ANK3: variants seen among roughly 807,000 people sequenced by gnomAD.
The protein encoded by ANK3 is ankyrin 3, also known as ankyrin-3.
A neutral mutation model predicts 370.9 loss-of-function variants in ANK3; 57 were observed. The ratio of observed to expected loss-of-function variants is 0.15; its 90% CI spans 0.12 to 0.19. ANK3 has a LOEUF of 0.19. ANK3 is among the 10% of genes least tolerant of loss of function. The pLI is 1.00. For synonymous variants in ANK3, 1,929 were observed against 1,946.3 expected, an observed-to-expected ratio of 0.99 and a Z score of 0.23; for missense variants, 4,439 against 5,302.1, an observed-to-expected ratio of 0.84 and a Z score of 5.06.
chr10:60,109,294 A>G (rs1239540851), intron 26 of ANK3, among the ~76,000 whole-genome samples: 1 of 152,182 alleles, frequency 6.6e-6, no homozygotes. Flanking sequence ...AGAAAAGCCA[A>G]CTACTTTACC....
chr10:60,584,523 C>A (rs2077803380), intron 2 of ANK3, among the ~76,000 whole-genome samples: 1 of 152,112 alleles, frequency 6.6e-6, no homozygotes, highest in African/African-American at 2.4e-5. Flanking sequence ...AAGGCTGAGG[C>A]TAGAGGATCA....
At chr10:60,251,099 TC>T (rs2097657172) in intron 7 of ANK3, among the ~76,000 whole-genome samples, 4 of 152,368 alleles carry the variant, frequency 2.6e-5, no homozygotes, top group Admixed American at 2.6e-4. Flanking sequence ...TATCCACACC[TC>T]ATGAAATTAT....
intron 2 of ANK3, among the ~76,000 whole-genome samples, chr10:60,471,151 A>C (rs751102821): frequency 1.3e-5 from 2 of 152,194 alleles, no homozygotes; most frequent in Non-Finnish European, 2.9e-5. Context: ...AAAAAATAGT[A>C]ATAAATGCAA....
intron 1 of ANK3, among the ~76,000 whole-genome samples, chr10:60,332,874 C>T (rs1011727701): frequency 5.9e-5 from 9 of 151,980 alleles, no homozygotes; most frequent in Non-Finnish European, 1.0e-4. Flanking sequence ...GGTTACAAGA[C>T]AAAAATAATG....
chr10:60,038,628 TA>T (rs916999427), intron 43 of ANK3, among the ~76,000 whole-genome samples: 3 of 152,312 alleles, frequency 2.0e-5, no homozygotes, highest in Admixed American at 6.5e-5. Flanking sequence ...ATAAGGAATT[TA>T]AATTCCCTTT....
At chr10:60,143,660 C>G (rs781117157) in intron 23 of ANK3, among the ~76,000 whole-genome samples, 1 of 152,146 alleles carries the variant, frequency 6.6e-6, no homozygotes, top group Non-Finnish European at 1.5e-5. Context: ...TTAAAATGCC[C>G]GCCTCACCCT....
At chr10:60,544,872 A>G (rs746751030) in intron 2 of ANK3, among the ~76,000 whole-genome samples, 16 of 151,958 alleles carry the variant, frequency 1.1e-4, no homozygotes, top group Non-Finnish European at 1.9e-4. Context: ...TCCATTTAAA[A>G]TCCCCAAGTA....
At chr10:60,309,014 CCCTT>C (rs1237466622) in intron 1 of ANK3, among the ~76,000 whole-genome samples, 2 of 152,292 alleles carry the variant, frequency 1.3e-5, no homozygotes, top group African/African-American at 4.8e-5. Flanking sequence ...TATCCTGCTC[CCCTT>C]CCTTAACTTT....
intron 1 of ANK3, among the ~76,000 whole-genome samples, chr10:60,371,553 CATGT>C (rs1398481758): frequency 1.3e-5 from 2 of 152,152 alleles, no homozygotes; most frequent in Non-Finnish European, 2.9e-5. Context: ...TGAATCAAAA[CATGT>C]ATGTTTCATA....
intron 1 of ANK3, among the ~76,000 whole-genome samples, chr10:60,299,398 C>T (rs1462920446): frequency 6.6e-6 from 1 of 152,072 alleles, no homozygotes; most frequent in African/African-American, 2.4e-5. Flanking sequence ...GTTTGTCCAC[C>T]TGATATTAGA....
At position 60,074,237 on chromosome 10, in the gene ANK3, T is replaced by C; in HGVS notation, c.6644A>G (p.Lys2215Arg). ...PKPTTSSIKE[K>R]VKAFQMKASS... ...GGCTTTCATTTGAAATGCTTTAACC[T>C]TTTCTTTAATACTAGAGGTGGTGGG... The change falls in exon 37 of 44, where the codon AAG becomes AGG. Residue 2215 changes from lysine to arginine, a missense_variant. Lys to Arg is a conservative substitution (Grantham distance 26). Around this residue, in one of 13 missense-constraint regions of ANK3, gnomAD observed 1,601 missense variants for 1,731.7 expected, o/e 0.92. Transcript: ENST00000280772. 1 of 1,614,136 alleles carries C rather than the reference T, an allele frequency of 6.2e-7. No homozygotes were observed. The highest frequency in any genetic ancestry group is 8.5e-7 in the Non-Finnish European group (1 of 1,180,000).
intron 7 of ANK3, among the ~76,000 whole-genome samples, chr10:60,239,790 C>T (rs767998227): frequency 9.2e-5 from 14 of 151,680 alleles, no homozygotes; most frequent in Admixed American, 2.0e-4. Context: ...AAAAGTAAAA[C>T]GTATGACAAC....
intron 1 of ANK3, among the ~76,000 whole-genome samples, chr10:60,658,856 G>A (rs2078900184): frequency 6.6e-6 from 1 of 151,146 alleles, no homozygotes; most frequent in Non-Finnish European, 1.5e-5. Context: ...GGGAAGCAGA[G>A]GAGAGGTGAA....
chr10:60,168,029 G>A (rs1006717681), intron 21 of ANK3, among the ~76,000 whole-genome samples: 2 of 152,002 alleles, frequency 1.3e-5, no homozygotes, highest in Admixed American at 6.6e-5. Context: ...TTCATTGATA[G>A]TATTATTATT....
chr10:60,228,747 T>TA (rs906700462), intron 8 of ANK3, among the ~76,000 whole-genome samples: 5 of 151,436 alleles, frequency 3.3e-5, no homozygotes, highest in Admixed American at 2.0e-4. Flanking sequence ...TAGAGCTATT[T>TA]AAAAAAAAAT....
At chr10:60,592,975 T>C (rs2077937735) in intron 2 of ANK3, among the ~76,000 whole-genome samples, 1 of 152,004 alleles carries the variant, frequency 6.6e-6, no homozygotes, top group South Asian at 2.1e-4. Flanking sequence ...CATATCCTGG[T>C]GGAGAGAAGG....
chr10:60,627,022 G>A (rs1243173078), intron 1 of ANK3, among the ~76,000 whole-genome samples: 4 of 152,030 alleles, frequency 2.6e-5, no homozygotes, highest in Non-Finnish European at 5.9e-5. Flanking sequence ...ACAGAGCCTT[G>A]GGATTTGCCA....
intron 2 of ANK3, among the ~76,000 whole-genome samples, chr10:60,480,921 T>C (rs2075196697): frequency 1.3e-5 from 2 of 152,334 alleles, no homozygotes; most frequent in South Asian, 4.1e-4. Flanking sequence ...TGTTCATTTA[T>C]ACATCAGCAT....
rs116005696 is a variant in ANK3, at chr10:60,036,100, T to A, written c.*20-6274A>T. Among the ~76,000 whole-genome samples, 738 of 152,184 alleles carry A rather than the reference T, an allele frequency of 4.8e-3. 4 individuals carry two copies. The highest frequency in any genetic ancestry group is 0.02 in the Middle Eastern group (6 of 294). On this transcript the variant is annotated intron_variant, in intron 43 of 43. Transcript: ENST00000280772. ...CTCTTTGTCACTGTTCATTGCTTAG[T>A]AAAGAGGAATAAGGATACCTGTTGT...
Sources: allele counts gnomAD v4.1 joint callset (sites outside exome capture counted in the v4.1 genomes callset), GRCh38; gene constraint gnomAD v4.1.1; regional missense constraint gnomAD v4.1.1; transcripts MANE v1.5; gene names NCBI Gene and HGNC (gene_info 2026-07-23, HGNC 2026-07-21).